The following ATP8B4 variants were observed in gnomAD, a reference collection of about 807,000 sequenced individuals.
ATP8B4 encodes probable phospholipid-transporting ATPase IM.
Under a neutral mutation model 145.6 loss-of-function variants are expected in ATP8B4, and 133 were observed. The ratio of observed to expected loss-of-function variants is 0.91; its 90% CI spans 0.79 to 1.05. ATP8B4 has a LOEUF of 1.05. Among genes scored for constraint, ATP8B4 ranks in the 50% least tolerant of loss-of-function variants. The pLI is 0.00. For missense variants in ATP8B4, 1,458 were observed against 1,425.2 expected (o/e 1.02, Z -0.37); for synonymous variants, 507 against 492.9 (o/e 1.03, Z -0.38).
chr15:49,920,533 G>A, intron 17 of ATP8B4, 123 bp from the exon 18 acceptor site: 1 of 1,109,826 alleles, frequency 9.0e-7, no homozygotes, highest in East Asian at 2.6e-5. Context: ...AGCACTGCTT[G>A]GCTATCCTTA....
upstream of ATP8B4, among the ~76,000 whole-genome samples, chr15:50,119,989 T>C (rs370775082): frequency 2.7e-4 from 41 of 152,246 alleles, no homozygotes; most frequent in African/African-American, 9.6e-4. Flanking sequence ...TTCTGGTTGT[T>C]AAAGCGGGAT....
At chr15:50,080,017 G>A (rs928095878) in intron 2 of ATP8B4, among the ~76,000 whole-genome samples, 2 of 152,202 alleles carry the variant, frequency 1.3e-5, no homozygotes, top group Non-Finnish European at 2.9e-5. Flanking sequence ...TCATTCTAGT[G>A]ATCCAAGATA....
chr15:50,040,050 A>T (rs1239667778), intron 5 of ATP8B4, among the ~76,000 whole-genome samples: 1 of 152,210 alleles, frequency 6.6e-6, no homozygotes, highest in Non-Finnish European at 1.5e-5. Flanking sequence ...ATCTGAGTGC[A>T]CAATTTGGAA....
At chr15:50,077,174 T>C (rs1567314422) in intron 2 of ATP8B4, among the ~76,000 whole-genome samples, 2 of 152,148 alleles carry the variant, frequency 1.3e-5, no homozygotes, top group Admixed American at 1.3e-4. Flanking sequence ...TTTGTCCAGT[T>C]CCAAAAAGGA....
chr15:49,899,884 G>A (rs1416673892), intron 21 of ATP8B4, among the ~76,000 whole-genome samples: 1 of 152,190 alleles, frequency 6.6e-6, no homozygotes. Flanking sequence ...TGTTCTTGAA[G>A]AGCATCTATC....
At chr15:49,928,647 T>G (rs1004749766) in intron 16 of ATP8B4, among the ~76,000 whole-genome samples, 1 of 151,898 alleles carries the variant, frequency 6.6e-6, no homozygotes. Context: ...TTTGAAGATA[T>G]TACAATAATA....
rs2051055508 is a variant in ATP8B4 at position 50,038,975 on chromosome 15, A to G, written c.301-146T>C. 4.5e-6 allele frequency: 3 copies of G among 661,916 alleles called. No homozygotes were observed. The East Asian group carries it at 8.2e-5, about 18-fold the overall frequency. 41.0% of individuals were successfully genotyped at this position (661,916 alleles called of 1,614,324 possible). A position where few individuals can be genotyped will look rare whatever the true frequency, so the allele number is the denominator to read the frequency against. Reference sequence around the variant, plus strand: ...CACTGTTTGAGCTTCCTGTGAACCCAGCTCTACATGTTCTAAATCTAAATC... The same window carrying G: ...CACTGTTTGAGCTTCCTGTGAACCCGGCTCTACATGTTCTAAATCTAAATC... On this transcript the variant is annotated intron_variant, in intron 5 of 27. Transcript: ENST00000284509.
intron 2 of ATP8B4, among the ~76,000 whole-genome samples, chr15:50,087,890 G>A (rs1445098336): frequency 6.6e-6 from 1 of 151,846 alleles, no homozygotes; most frequent in Non-Finnish European, 1.5e-5. Flanking sequence ...AAAAATAAAA[G>A]GCCAAAAATA....
chr15:50,172,858 G>A (rs964008805), intron 1 of ATP8B4, among the ~76,000 whole-genome samples: 5 of 148,518 alleles, frequency 3.4e-5, no homozygotes, highest in South Asian at 2.2e-4. Flanking sequence ...GGTGAGGAGC[G>A]TCTCTGACCG....
At chr15:50,105,255 G>GAA (rs35342585) in intron 2 of ATP8B4, among the ~76,000 whole-genome samples, 3 of 116,726 alleles carry the variant, frequency 2.6e-5, no homozygotes, top group South Asian at 2.8e-4. Flanking sequence ...ACTGAAATTT[G>GAA]AAAAAAAAAA....
intron 17 of ATP8B4, among the ~76,000 whole-genome samples, chr15:49,923,117 C>T (rs759933560): frequency 1.5e-4 from 23 of 152,300 alleles, no homozygotes; most frequent in South Asian, 4.1e-4. Flanking sequence ...GTTCCCTAGA[C>T]GCCCACATTC....
rs1033816565 is a variant in ATP8B4 at position 49,901,666 on chromosome 15, C to G, written c.2142-427G>C. 9 of 297,520 alleles carry G rather than the reference C, an allele frequency of 3.0e-5. No individual in the cohort carries two copies. The Admixed American group carries it at 3.8e-4, about 13-fold the overall frequency. The allele number at this position is 297,520 out of a possible 1,614,324, so 18.4% of individuals were successfully genotyped here. A position where few individuals can be genotyped will look rare whatever the true frequency, so the allele number is the denominator to read the frequency against. On this transcript the variant is annotated intron_variant, in intron 20 of 27. Coordinates refer to ENST00000284509, the MANE Select transcript of ATP8B4 (RefSeq NM_024837.4). ...AAATCTTCTAGGAATTCCAGGACAT[C>G]TATATATAAAATAAATTCATCAATT...
intron 6 of ATP8B4, chr15:50,019,012 T>C: frequency 3.9e-6 from 4 of 1,014,686 alleles, no homozygotes; most frequent in Non-Finnish European, 5.4e-6. Flanking sequence ...CGAGTCAATG[T>C]AAATCCATGA....
In ATP8B4 at chr15:49,876,448, G is replaced by A. The variant is rs749142543; in HGVS notation, c.2857C>T (p.Arg953Cys). Reference sequence around the variant, plus strand: ...TGCAACACGCAAATGAAAAATTTACGCTTGTTAAAAAGCAGATTCAGCTGT... The same window carrying A: ...TGCAACACGCAAATGAAAAATTTACACTTGTTAAAAAGCAGATTCAGCTGT... ...PGQLNLLFNK[R>C]KFFICVLHGI... Residue 953 changes from arginine to cysteine, a missense_variant, in exon 25 of 28, where the codon CGT (arginine) becomes TGT (cysteine). By Grantham distance (180) the Arg-to-Cys change is radical. Transcript: ENST00000284509. The A allele has an allele frequency of 1.7e-5, 27 of 1,613,992 alleles. No individual in the cohort carries two copies. Among genetic ancestry groups the A allele is most frequent in the Non-Finnish European group, 2.2e-5 (26 of 1,179,984 alleles).
intron 1 of ATP8B4, among the ~76,000 whole-genome samples, chr15:50,114,103 C>CTTTTTTTTTTTTCTTTTTTTTTTTTTT (rs2057081986): frequency 1.8e-5 from 1 of 55,644 alleles, no homozygotes; most frequent in Non-Finnish European, 3.1e-5. Context: ...CTCCTAGTTT[C>CTTTTTTTTTTTTCTTTTTTTTTTTTTT]TTTTTTTTTT....
rs2031310168 is a variant in ATP8B4, at chr15:49,859,885, T to A, written c.*309A>T. The stretch of plus-strand genomic sequence containing the variant: ...GAATATGCAGCTTTACAAGTTTTTC[T>A]CCATAAATAAGATTCTAAAGTTCAG... On this transcript the variant is annotated 3_prime_UTR_variant, in exon 28 of 28. Transcript: ENST00000284509. 6.9e-6 allele frequency: 2 copies of A among 290,580 alleles called. No individual in the cohort carries two copies. The highest frequency in any genetic ancestry group is 1.3e-5 in the Non-Finnish European group (2 of 158,000). 18.0% of individuals were successfully genotyped at this position (290,580 alleles called of 1,614,324 possible).
chr15:50,033,896 T>C (rs768211650), intron 6 of ATP8B4, among the ~76,000 whole-genome samples: 6 of 152,346 alleles, frequency 3.9e-5, no homozygotes, highest in South Asian at 2.1e-4. Flanking sequence ...CATGATTTTG[T>C]TCCTTTTTAT....
At chr15:50,070,832 C>T (rs897807871) in intron 3 of ATP8B4, among the ~76,000 whole-genome samples, 2 of 152,134 alleles carry the variant, frequency 1.3e-5, no homozygotes, top group African/African-American at 4.8e-5. Context: ...CCTCCGCCTT[C>T]CAGGTTCAAG....
chr15:50,037,962 G>T (rs2050964935), intron 6 of ATP8B4, among the ~76,000 whole-genome samples: 4 of 152,046 alleles, frequency 2.6e-5, no homozygotes, highest in African/African-American at 9.7e-5. Flanking sequence ...CCTCACATAT[G>T]GCTAATTCAT....
Sources: allele counts gnomAD v4.1 joint callset (sites outside exome capture counted in the v4.1 genomes callset), GRCh38; gene constraint gnomAD v4.1.1; transcripts MANE v1.5; gene names NCBI Gene and HGNC (gene_info 2026-07-23, HGNC 2026-07-21).